The following ARRB1 variants were observed in gnomAD, a reference collection of about 807,000 sequenced individuals.
ARRB1 encodes beta-arrestin-1.
In ARRB1, 21 loss-of-function variants were observed where a neutral mutation model predicts 56.8. The ratio of observed to expected loss-of-function variants is 0.37; its 90% confidence interval spans 0.26 to 0.53. The LOEUF is 0.53. Ranked by LOEUF, ARRB1 falls within the 20% of genes least tolerant of loss-of-function variation. The pLI is 0.88. For synonymous variants in ARRB1, 210 were observed against 218.6 expected (o/e 0.96, Z 0.35); for missense variants, 424 against 553.7 (o/e 0.77, Z 2.35).
At chr11:75,281,917 T>C (rs371560276) in intron 6 of ARRB1, 45 bp downstream of exon 6, 8 of 1,596,192 alleles carry the variant, frequency 5.0e-6, no homozygotes, top group Non-Finnish European at 6.9e-6. Flanking sequence ...CCTGGGGACA[T>C]GAGACTCCTG....
chr11:75,329,352 C>T (rs1019710481), intron 1 of ARRB1, among the ~76,000 whole-genome samples: 2 of 152,108 alleles, frequency 1.3e-5, no homozygotes, highest in Non-Finnish European at 2.9e-5. Context: ...GATCCTCCTG[C>T]CTTGGCCTCC....
chr11:75,267,595 TCCACCCCGCCCACCCGCGGC>T, intron 15 of ARRB1, 37 bp downstream of exon 15: 1 of 1,476,166 alleles, frequency 6.8e-7, no homozygotes, highest in Non-Finnish European at 9.4e-7. Flanking sequence ...AATGACCCCC[TCCACCCCGCCCACCCGCGGC>T]CCACCCCCGG....
At chr11:75,325,844 A>G (rs1025972200) in intron 1 of ARRB1, among the ~76,000 whole-genome samples, 4 of 152,082 alleles carry the variant, frequency 2.6e-5, no homozygotes, top group Non-Finnish European at 5.9e-5. Flanking sequence ...GACCTCTGAG[A>G]TCCCTTCTGG....
At chr11:75,307,509 G>A (rs2140475508) in intron 1 of ARRB1, among the ~76,000 whole-genome samples, 1 of 152,288 alleles carries the variant, frequency 6.6e-6, no homozygotes, top group South Asian at 2.1e-4. Flanking sequence ...GAGAGTCCCA[G>A]GAAACAGAAG....
intron 1 of ARRB1, among the ~76,000 whole-genome samples, chr11:75,331,420 A>G (rs183709611): frequency 4.0e-4 from 61 of 152,274 alleles, no homozygotes; most frequent in African/African-American, 1.3e-3. Context: ...CCAAGCTAAG[A>G]CATCACAGCC....
Position 75,343,241 on chromosome 11 carries a change from C to T in ARRB1, c.20+8347G>A, listed in dbSNP as rs552203009. Among the ~76,000 whole-genome samples, 268 of 152,240 alleles carry T rather than the reference C, an allele frequency of 1.8e-3. 2 individuals are homozygous for T. Among genetic ancestry groups the T allele is most frequent in the African/African-American group, 6.2e-3 (258 of 41,534 alleles). ...AGAGAGAGAGATTACAAGAAGGTCA[C>T]AAAGCGCTGGGAATCCAGTGAGGGC... is the stretch of plus-strand genomic sequence containing the variant. On this transcript the variant is annotated intron_variant, in intron 1 of 15. Coordinates refer to ENST00000420843, the MANE Select transcript of ARRB1 (RefSeq NM_004041.5).
rs151184086 is a variant in ARRB1 at position 75,334,636 on chromosome 11, C to T, written c.20+16952G>A. Among the ~76,000 whole-genome samples, 7 of 152,348 alleles carry T rather than the reference C, an allele frequency of 4.6e-5. 1 individual carries two copies. The East Asian group carries it at 1.3e-3, about 29-fold the overall frequency. On this transcript the variant is annotated intron_variant, in intron 1 of 15. Transcript: ENST00000420843. The stretch of plus-strand genomic sequence containing the variant: ...ATTATTTTAACCTTTCCAGGAAGGT[C>T]TTATCTCCATTTTGCAGAAGAGGAA...
At chr11:75,324,705 T>C (rs73492805) in intron 1 of ARRB1, among the ~76,000 whole-genome samples, 6,469 of 152,232 alleles carry the variant, frequency 0.042, 452 homozygotes, top group African/African-American at 0.15. Flanking sequence ...CAACTCCACC[T>C]GCCTCCTCGG....
In ARRB1 at chr11:75,263,036, G is replaced by A. The variant is rs1368600530; in HGVS notation, c.*3127C>T. 1.3e-5 allele frequency among the ~76,000 whole-genome samples: 2 copies of A among 152,198 alleles called. No individual in the cohort carries two copies. Among genetic ancestry groups the A allele is most frequent in the Non-Finnish European group, 2.9e-5 (2 of 68,034 alleles). On this transcript the variant is annotated 3_prime_UTR_variant, in exon 16 of 16. Transcript: ENST00000420843. The stretch of plus-strand genomic sequence containing the variant: ...CATGCTTTTCCTTCCTGCCCGGACC[G>A]GTGTCCACACGCCACCCACAGGGCA...
chr11:75,278,175 G>A (rs776347169), intron 8 of ARRB1, among the ~76,000 whole-genome samples: 1 of 152,232 alleles, frequency 6.6e-6, no homozygotes, highest in Non-Finnish European at 1.5e-5. Context: ...GCAGTCAGCT[G>A]GGTTTGATTC....
chr11:75,327,600 T>G (rs11236394), intron 1 of ARRB1, among the ~76,000 whole-genome samples: 7 of 24,354 alleles, frequency 2.9e-4, no homozygotes, highest in Non-Finnish European at 3.5e-4. Context: ...TTTGTTTTTG[T>G]TTTTTTTTTT....
chr11:75,290,102 G>C, intron 1 of ARRB1, 63 bp from the exon 2 acceptor site: 4 of 1,606,878 alleles, frequency 2.5e-6, no homozygotes, highest in Non-Finnish European at 3.4e-6. Context: ...AAGCTCCTGC[G>C]GGCCACCTTG....
At chr11:75,342,793 C>T (rs575170517) in intron 1 of ARRB1, among the ~76,000 whole-genome samples, 1 of 152,142 alleles carries the variant, frequency 6.6e-6, no homozygotes, top group Non-Finnish European at 1.5e-5. Flanking sequence ...GACAGAGAGG[C>T]GCAGCAGGAA....
intron 3 of ARRB1, among the ~76,000 whole-genome samples, chr11:75,285,629 T>G (rs1212695090): frequency 6.6e-6 from 1 of 152,060 alleles, no homozygotes; most frequent in Non-Finnish European, 1.5e-5. Context: ...AGCGTCACTA[T>G]GGGAGAAGAA....
At chr11:75,280,965 G>T in intron 7 of ARRB1, 110 bp downstream of exon 7, 1 of 1,288,094 alleles carries the variant, frequency 7.8e-7, no homozygotes, top group Non-Finnish European at 1.1e-6. Context: ...TGGAATGTGC[G>T]CCCCTCCTCA....
At chr11:75,313,486 G>A (rs1947206460) in intron 1 of ARRB1, among the ~76,000 whole-genome samples, 2 of 152,238 alleles carry the variant, frequency 1.3e-5, no homozygotes, top group Non-Finnish European at 2.9e-5. Flanking sequence ...GTCTGCCACT[G>A]TAGGCTAAGG....
chr11:75,324,378 T>C (rs970358552), intron 1 of ARRB1, among the ~76,000 whole-genome samples: 3 of 152,150 alleles, frequency 2.0e-5, no homozygotes, highest in African/African-American at 7.2e-5. Context: ...GAATGGTCTT[T>C]ATCTGCCCGT....
At chr11:75,346,455 A>G (rs1204547927) in intron 1 of ARRB1, among the ~76,000 whole-genome samples, 1 of 152,072 alleles carries the variant, frequency 6.6e-6, no homozygotes, top group Admixed American at 6.5e-5. Context: ...GCCTGCCGCC[A>G]TACTGCTTGC....
intron 15 of ARRB1, among the ~76,000 whole-genome samples, chr11:75,267,393 C>T (rs904826087): frequency 6.6e-6 from 1 of 152,140 alleles, no homozygotes; most frequent in African/African-American, 2.4e-5. Flanking sequence ...GATGGACGAA[C>T]GGACTGACGG....
Sources: gnomAD v4.1 joint callset for allele counts (sites outside exome capture counted in the v4.1 genomes callset) on GRCh38, gnomAD v4.1.1 for gene constraint, MANE v1.5 for transcripts, NCBI Gene and HGNC (gene_info 2026-07-23, HGNC 2026-07-21) for gene names.